Variants in P2RX3 observed in about 807,000 individuals in gnomAD.
The protein encoded by P2RX3 is purinergic receptor P2X 3, also known as P2X purinoceptor 3.
Under a neutral mutation model 51.5 loss-of-function variants are expected in P2RX3, and 41 were observed. The ratio of observed to expected loss-of-function variants is 0.80; its 90% CI spans 0.62 to 1.03. P2RX3 has a LOEUF of 1.03. P2RX3 is among the 50% of genes least tolerant of loss of function. The pLI is 0.00. For missense variants in P2RX3, 459 were observed against 522.1 expected (o/e 0.88, Z 1.18); for synonymous variants, 185 against 191.6 (o/e 0.97, Z 0.29).
intron 7 of P2RX3, 115 bp downstream of exon 7, chr11:57,350,013 G>C: frequency 6.8e-7 from 1 of 1,464,274 alleles, no homozygotes; most frequent in Non-Finnish European, 9.2e-7. Context: ...AGCGCCACCT[G>C]GTGGAAGCAT....
chr11:57,350,484 G>C, intron 7 of P2RX3: 1 of 345,098 alleles, frequency 2.9e-6, no homozygotes, highest in Non-Finnish European at 5.4e-6. Flanking sequence ...GGGGTTCGCC[G>C]TGTTAGCCAG....
At position 57,346,640 on chromosome 11, in the gene P2RX3, C is replaced by T. The variant is rs772093184; in HGVS notation, c.216C>T (p.Asn72=). 7 of 1,614,094 alleles carry T rather than the reference C, an allele frequency of 4.3e-6. No individual in the cohort carries two copies. Among genetic ancestry groups the T allele is most frequent in the Non-Finnish European group, 5.1e-6 (6 of 1,180,048 alleles). The change falls in exon 2 of 12, where the codon AAC becomes AAT. Residue 72 remains asparagine, a synonymous_variant. Transcript: ENST00000263314. Reference sequence around the variant, plus strand: ...TGAAGGGCTCCGGACTCTACGCCAACAGAGTCATGGATGTGTCTGATTACG... The same window carrying T: ...TGAAGGGCTCCGGACTCTACGCCAATAGAGTCATGGATGTGTCTGATTACG... ...TKVKGSGLYA[N]RVMDVSDYVT... is the part of the protein sequence containing the mutation.
chr11:57,338,883 C>A (rs1565059215), intron 1 of P2RX3, among the ~76,000 whole-genome samples: 1 of 152,188 alleles, frequency 6.6e-6, no homozygotes, highest in Non-Finnish European at 1.5e-5. Context: ...GTTCGTCCTC[C>A]AGGGTTGAGA....
Position 57,349,913 on chromosome 11 carries a change from A to G in P2RX3, c.705+15A>G, listed in dbSNP as rs781726472. 3 of 1,613,576 alleles carry G rather than the reference A, an allele frequency of 1.9e-6. No individual in the cohort carries two copies. Among genetic ancestry groups the G allele is most frequent in the Admixed American group, 3.3e-5 (2 of 60,008 alleles). The stretch of plus-strand genomic sequence containing the variant: ...TGGCGCGCACGGTGAGGACCTAGCC[A>G]TTCTTCCGCGACCCCAAACTCCCCA... On this transcript the variant is annotated intron_variant, in intron 7 of 11. Transcript: ENST00000263314.
Position 57,370,029 on chromosome 11 carries a change from G to C in P2RX3, c.*32G>C, listed in dbSNP as rs375675131. On this transcript the variant is annotated 3_prime_UTR_variant, in exon 12 of 12. Coordinates refer to ENST00000263314, the MANE Select transcript of P2RX3 (RefSeq NM_002559.5). ...TTTCCAGGGCCCCACACTCACAAAGGCTCCAGGCCTCCCCACAGAGGACCC... is the reference window on the plus strand; with the variant it reads ...TTTCCAGGGCCCCACACTCACAAAGCCTCCAGGCCTCCCCACAGAGGACCC... 2.5e-5 allele frequency: 38 copies of C among 1,491,698 alleles called. No homozygotes were observed. The highest frequency in any genetic ancestry group is 6.9e-5 in the South Asian group (6 of 87,122). 92.4% of individuals were successfully genotyped at this position (1,491,698 alleles called of 1,614,324 possible).
intron 1 of P2RX3, among the ~76,000 whole-genome samples, chr11:57,341,951 G>A (rs1856347369): frequency 6.6e-6 from 1 of 151,984 alleles, no homozygotes; most frequent in South Asian, 2.1e-4. Context: ...ATCTTAGGTG[G>A]GAGTTCAATA....
At chr11:57,350,007 C>A in intron 7 of P2RX3, 109 bp downstream of exon 7, 1 of 1,487,348 alleles carries the variant, frequency 6.7e-7, no homozygotes, top group Non-Finnish European at 9.1e-7. Flanking sequence ...CGAGACAGCG[C>A]CACCTGGTGG....
chr11:57,360,629 A>T (rs1201561017), intron 8 of P2RX3, among the ~76,000 whole-genome samples: 1 of 150,888 alleles, frequency 6.6e-6, no homozygotes, highest in Non-Finnish European at 1.5e-5. Flanking sequence ...TGTCTCTACT[A>T]AAAAAAATAC....
chr11:57,356,243 C>A (rs1856628165), intron 8 of P2RX3, among the ~76,000 whole-genome samples: 1 of 152,092 alleles, frequency 6.6e-6, no homozygotes, highest in Non-Finnish European at 1.5e-5. Context: ...GATCTATATC[C>A]ATTGCTTCCA....
intron 4 of P2RX3, among the ~76,000 whole-genome samples, chr11:57,347,963 G>A (rs552374724): frequency 6.6e-6 from 1 of 152,280 alleles, no homozygotes; most frequent in Admixed American, 6.5e-5. Flanking sequence ...GCTGGGGCTC[G>A]GAGCACATGA....
At chr11:57,336,117 T>C (rs1462282398), upstream of P2RX3, among the ~76,000 whole-genome samples, 1 of 152,198 alleles carries the variant, frequency 6.6e-6, no homozygotes, top group Non-Finnish European at 1.5e-5. Flanking sequence ...TGTATCAGAC[T>C]TAGTACAGGG....
upstream of P2RX3, among the ~76,000 whole-genome samples, chr11:57,337,289 CAAAAAAAA>C (rs36169095): frequency 3.7e-5 from 1 of 26,770 alleles, no homozygotes; most frequent in Non-Finnish European, 6.9e-5. Flanking sequence ...GAGACTCTGT[CAAAAAAAA>C]AAAAAAAAAG....
chr11:57,369,310 C>A, intron 10 of P2RX3, 51 bp from the exon 11 acceptor site: 1 of 1,554,534 alleles, frequency 6.4e-7, no homozygotes, highest in Non-Finnish European at 8.8e-7. Context: ...CACCCTGATC[C>A]CACCCAACCC....
At chr11:57,357,340 A>T (rs568802047) in intron 8 of P2RX3, among the ~76,000 whole-genome samples, 24 of 152,154 alleles carry the variant, frequency 1.6e-4, no homozygotes, top group Non-Finnish European at 2.5e-4. Context: ...AGATATAACA[A>T]CTCAAGAGAA....
At chr11:57,336,852 C>G (rs752894394), upstream of P2RX3, among the ~76,000 whole-genome samples, 1 of 152,200 alleles carries the variant, frequency 6.6e-6, no homozygotes, top group Non-Finnish European at 1.5e-5. Flanking sequence ...GCACCCTTCT[C>G]CCCTGAACTC....
intron 1 of P2RX3, among the ~76,000 whole-genome samples, chr11:57,345,422 A>C (rs1565062759): frequency 1.3e-5 from 2 of 151,876 alleles, no homozygotes; most frequent in South Asian, 4.2e-4. Flanking sequence ...GTTTGTTTAC[A>C]TCGTATGTTT....
intron 1 of P2RX3, among the ~76,000 whole-genome samples, chr11:57,342,002 A>G (rs1189271454): frequency 6.6e-6 from 1 of 152,118 alleles, no homozygotes; most frequent in African/African-American, 2.4e-5. Context: ...TGGTTTAAAG[A>G]GAAGGGTCTA....
chr11:57,370,151 C>A lies in P2RX3; in HGVS notation c.*154C>A. On this transcript the variant is annotated 3_prime_UTR_variant, in exon 12 of 12. Coordinates refer to ENST00000263314, the MANE Select transcript of P2RX3 (RefSeq NM_002559.5). ...ACCCAAGTGTCTGGGCCTCCGACTG[C>A]TCCAGCAGACAGGCAGTGCTCCCTG... 1 of 609,846 alleles carries A rather than the reference C, an allele frequency of 1.6e-6. No individual in the cohort carries two copies. Among genetic ancestry groups the A allele is most frequent in the Non-Finnish European group, 2.9e-6 (1 of 343,060 alleles). 37.8% of individuals were successfully genotyped at this position (609,846 alleles called of 1,614,324 possible).
chr11:57,364,555 C>T (rs371047878), intron 8 of P2RX3, among the ~76,000 whole-genome samples: 60 of 152,326 alleles, frequency 3.9e-4, no homozygotes, highest in African/African-American at 1.4e-3. Flanking sequence ...CTATAAGGAC[C>T]TCCTGGAGCC....
Sources: gnomAD v4.1 joint callset for allele counts (sites outside exome capture counted in the v4.1 genomes callset) on GRCh38, gnomAD v4.1.1 for gene constraint, MANE v1.5 for transcripts, NCBI Gene and HGNC (gene_info 2026-07-23, HGNC 2026-07-21) for gene names.